Variants in TENM4 observed in about 807,000 individuals in gnomAD.
The protein encoded by TENM4 is teneurin transmembrane protein 4.
TENM4 carries 82 observed loss-of-function variants against 243.3 expected under a neutral mutation model. The ratio of observed to expected loss-of-function variants is 0.34; its 90% confidence interval spans 0.28 to 0.40. The LOEUF is 0.40. Ranked by LOEUF, TENM4 falls within the 10% of genes least tolerant of loss-of-function variation. TENM4 has a pLI of 1.00. For missense variants in TENM4, 3,138 were observed against 3,673.3 expected, an observed-to-expected ratio of 0.85 and a Z score of 3.77; for synonymous variants, 1,412 against 1,456.3, an observed-to-expected ratio of 0.97 and a Z score of 0.69.
At chr11:78,943,909 G>A (rs912403420) in intron 6 of TENM4, among the ~76,000 whole-genome samples, 1 of 152,294 alleles carries the variant, frequency 6.6e-6, no homozygotes, top group African/African-American at 2.4e-5. Flanking sequence ...TTGGGAAAAC[G>A]CCTGTTGCAC....
intron 2 of TENM4, among the ~76,000 whole-genome samples, chr11:79,289,759 C>G (rs1478327893): frequency 6.6e-6 from 1 of 152,228 alleles, no homozygotes; most frequent in African/African-American, 2.4e-5. Context: ...ATACCTCTCT[C>G]TGCTTAGCTA....
chr11:79,179,310 G>T (rs1863235945), intron 3 of TENM4, among the ~76,000 whole-genome samples: 2 of 152,124 alleles, frequency 1.3e-5, no homozygotes, highest in African/African-American at 4.8e-5. Flanking sequence ...CCCAGCACAT[G>T]TTTTTTAAAT....
At chr11:78,773,075 A>G (rs1252629219) in intron 17 of TENM4, among the ~76,000 whole-genome samples, 2 of 152,216 alleles carry the variant, frequency 1.3e-5, no homozygotes, top group Admixed American at 1.3e-4. Flanking sequence ...TTTTTCCTCA[A>G]TTAGTCTCAT....
intron 2 of TENM4, among the ~76,000 whole-genome samples, chr11:79,230,358 G>A (rs1166524224): frequency 6.6e-6 from 1 of 152,186 alleles, no homozygotes; most frequent in East Asian, 1.9e-4. Context: ...GCAGTGGCAA[G>A]GCCCCTGTCT....
At chr11:79,226,216 A>G (rs1363387336) in intron 2 of TENM4, among the ~76,000 whole-genome samples, 2 of 152,230 alleles carry the variant, frequency 1.3e-5, no homozygotes, top group Non-Finnish European at 2.9e-5. Flanking sequence ...AAGAAAGCCC[A>G]GCCAAATCCC....
chr11:78,933,444 A>C (rs556818047), intron 6 of TENM4, among the ~76,000 whole-genome samples: 89 of 152,280 alleles, frequency 5.8e-4, no homozygotes, highest in Middle Eastern at 3.4e-3. Context: ...ATTAAGGCAT[A>C]ATTAAAGATT....
At chr11:79,150,300 A>G (rs535516913) in intron 3 of TENM4, among the ~76,000 whole-genome samples, 5 of 152,300 alleles carry the variant, frequency 3.3e-5, no homozygotes, top group African/African-American at 7.2e-5. Flanking sequence ...GTGGCTCTCA[A>G]ATAAGCCTGG....
At chr11:79,092,615 C>T (rs1177708936) in intron 4 of TENM4, among the ~76,000 whole-genome samples, 1 of 152,250 alleles carries the variant, frequency 6.6e-6, no homozygotes, top group African/African-American at 2.4e-5. Context: ...CTTATTTTAA[C>T]TAAAGAGTAG....
At chr11:78,752,408 G>A (rs1028590221) in intron 19 of TENM4, among the ~76,000 whole-genome samples, 5 of 152,182 alleles carry the variant, frequency 3.3e-5, no homozygotes, top group Non-Finnish European at 7.3e-5. Flanking sequence ...CAGCAGCTGA[G>A]GTCCCAGTGT....
At chr11:79,206,094 G>A (rs1400571071) in intron 3 of TENM4, among the ~76,000 whole-genome samples, 2 of 152,234 alleles carry the variant, frequency 1.3e-5, no homozygotes, top group Non-Finnish European at 2.9e-5. Flanking sequence ...AGTGCTTAGG[G>A]AACCTCCCCT....
chr11:79,117,891 C>G (rs1211171477), intron 4 of TENM4, among the ~76,000 whole-genome samples: 1 of 152,110 alleles, frequency 6.6e-6, no homozygotes, highest in Non-Finnish European at 1.5e-5. Flanking sequence ...GTTCCCTTTC[C>G]CCCTTCCCTT....
chr11:79,299,425 C>T (rs1205767297), intron 1 of TENM4, among the ~76,000 whole-genome samples: 5 of 152,134 alleles, frequency 3.3e-5, no homozygotes, highest in Middle Eastern at 3.2e-3. Flanking sequence ...ATCCTCAGAC[C>T]CCAGATATGC....
intron 2 of TENM4, among the ~76,000 whole-genome samples, chr11:79,251,498 C>T (rs950563520): frequency 8.5e-5 from 13 of 152,140 alleles, no homozygotes; most frequent in African/African-American, 3.1e-4. Context: ...AAATCAGGCA[C>T]GAAATAGCTC....
At chr11:79,234,721 T>C (rs764498240) in intron 2 of TENM4, among the ~76,000 whole-genome samples, 9 of 152,178 alleles carry the variant, frequency 5.9e-5, no homozygotes, top group Non-Finnish European at 8.8e-5. Flanking sequence ...GCTGGAACTG[T>C]AATTGTGCAC....
In TENM4 at chr11:78,904,359, C is replaced by CAAAAAAAAAAAAAAAAAA. The variant is rs61503457; in HGVS notation, c.494-837_494-836insTTTTTTTTTTTTTTTTTT. On this transcript the variant is annotated intron_variant, in intron 6 of 33. Coordinates refer to ENST00000278550, the MANE Select transcript of TENM4 (RefSeq NM_001098816.3). ...TGAGCTACAGAGCAAGACTCTGTCT[C>CAAAAAAAAAAAAAAAAAA]AAAAAAAAAAAAAAAAGTAAAACAT... is the stretch of plus-strand genomic sequence containing the variant. Among the ~76,000 whole-genome samples, 85 of 77,198 alleles carry CAAAAAAAAAAAAAAAAAA rather than the reference C, an allele frequency of 1.1e-3. 5 individuals are homozygous for CAAAAAAAAAAAAAAAAAA. The highest frequency in any genetic ancestry group is 5.3e-3 in the African/African-American group (70 of 13,176). 50.6% of individuals were successfully genotyped at this position (77,198 alleles called of 152,430 possible). A position where few individuals can be genotyped will look rare whatever the true frequency, so the allele number is the denominator to read the frequency against.
intron 3 of TENM4, among the ~76,000 whole-genome samples, chr11:79,203,970 C>CA (rs1214637858): frequency 6.6e-6 from 1 of 152,022 alleles, no homozygotes; most frequent in Non-Finnish European, 1.5e-5. Flanking sequence ...AAGCCAGCCA[C>CA]AAAAAAACAC....
At chr11:78,770,113 T>G (rs556121167) in intron 18 of TENM4, among the ~76,000 whole-genome samples, 34 of 152,250 alleles carry the variant, frequency 2.2e-4, no homozygotes, top group Non-Finnish European at 5.9e-5. Flanking sequence ...ACTGTTTTGA[T>G]GTTTTTTCAT....
intron 6 of TENM4, among the ~76,000 whole-genome samples, chr11:78,940,582 A>C (rs1052756093): frequency 6.6e-6 from 1 of 152,228 alleles, no homozygotes; most frequent in African/African-American, 2.4e-5. Flanking sequence ...GACTGAAGTC[A>C]GTCTCTTCTT....
At chr11:79,013,984 C>G (rs1028650754) in intron 6 of TENM4, among the ~76,000 whole-genome samples, 3 of 152,132 alleles carry the variant, frequency 2.0e-5, no homozygotes, top group African/African-American at 7.2e-5. Flanking sequence ...AATTTTTTCT[C>G]TATAGTCACT....
Sources: gnomAD v4.1 joint callset for allele counts (sites outside exome capture counted in the v4.1 genomes callset) on GRCh38, gnomAD v4.1.1 for gene constraint, MANE v1.5 for transcripts, NCBI Gene and HGNC (gene_info 2026-07-23, HGNC 2026-07-21) for gene names.